The following USP29 variants were observed in gnomAD, a reference collection of about 807,000 sequenced individuals.
USP29 encodes the protein ubiquitin specific peptidase 29, also known as ubiquitin carboxyl-terminal hydrolase 29.
For synonymous variants in USP29, 386 were observed against 387.4 expected, an observed-to-expected ratio of 1.00 and a Z score of 0.04; for missense variants, 1,102 against 1,069.0, an observed-to-expected ratio of 1.03 and a Z score of -0.43.
At chr19:57,125,378 A>G (rs1476768582) in intron 3 of USP29, among the ~76,000 whole-genome samples, 1 of 152,146 alleles carries the variant, frequency 6.6e-6, no homozygotes, top group Non-Finnish European at 1.5e-5. Context: ...AAAGTCTCCC[A>G]CTATTATTGT....
rs2086849083 is a variant in USP29 at position 57,130,218 on chromosome 19, A to C, written c.1543A>C (p.Ser515Arg). The change falls in exon 4 of 4, where the codon AGC (serine) becomes CGC (arginine). Residue 515 changes from serine to arginine, a missense_variant. By Grantham distance (110) the Ser-to-Arg change is moderately radical. Coordinates refer to ENST00000254181, the MANE Select transcript of USP29 (RefSeq NM_020903.3). The part of the protein sequence containing the change: ...RVLIIHLKRY[S>R]FNNAWLLVKN... ...CCTTATCATTCATCTGAAACGCTAT[A>C]GCTTCAACAATGCTTGGTTGCTGGT... 6.2e-7 allele frequency: 1 copy of C among 1,614,188 alleles called. No individual in the cohort carries two copies. The highest frequency in any genetic ancestry group is 8.5e-7 in the Non-Finnish European group (1 of 1,180,036).
intron 3 of USP29, among the ~76,000 whole-genome samples, chr19:57,127,402 G>A (rs909869830): frequency 3.9e-5 from 6 of 152,308 alleles, no homozygotes; most frequent in Middle Eastern, 6.8e-3. Flanking sequence ...TCCCCCAGGT[G>A]CTCTGTCCCA....
chr19:57,121,952 AATAGATAGATAG>A (rs35338518), intron 1 of USP29, among the ~76,000 whole-genome samples: 8 of 148,966 alleles, frequency 5.4e-5, no homozygotes, highest in Admixed American at 2.0e-4. Context: ...TCTATTAAAA[AATAGATAGATAG>A]ATAGATAGAT....
In USP29 at chr19:57,131,453, C is replaced by T. The variant is rs1488756659; in HGVS notation, c.*9C>T. The T allele has an allele frequency of 6.3e-7, 1 of 1,590,276 alleles. No homozygotes were observed. Among genetic ancestry groups the T allele is most frequent in the Non-Finnish European group, 8.6e-7 (1 of 1,169,368 alleles). On this transcript the variant is annotated 3_prime_UTR_variant, in exon 4 of 4. Coordinates refer to ENST00000254181, the MANE Select transcript of USP29 (RefSeq NM_020903.3). ...TGTACAGACCTGCTTGACAGACTCA[C>T]TCGGCCTCACTTCATCCTTGCAAAG...
intron 1 of USP29, among the ~76,000 whole-genome samples, chr19:57,120,515 G>A (rs1305446061): frequency 4.0e-5 from 6 of 148,470 alleles, no homozygotes; most frequent in Non-Finnish European, 7.5e-5. Flanking sequence ...GGGCTGGGTC[G>A]GTGGCTCACG....
At position 57,130,991 on chromosome 19, in the gene USP29, A is replaced by G. The variant is rs201523602; in HGVS notation, c.2316A>G (p.Thr772=). ...EHTEETLNQS[T]ELRLQKADLN... The stretch of plus-strand genomic sequence containing the variant: ...CAGAAGAGACCCTCAATCAGTCTAC[A>G]GAATTAAGACTTCAAAAGGCTGACC... Residue 772 remains threonine (T), a synonymous_variant, in exon 4 of 4, where the codon ACA becomes ACG. Coordinates refer to ENST00000254181, the MANE Select transcript of USP29 (RefSeq NM_020903.3). 9 of 1,614,118 alleles carry G rather than the reference A, an allele frequency of 5.6e-6. No homozygotes were observed. The highest frequency in any genetic ancestry group is 2.7e-5 in the African/African-American group (2 of 74,942).
intron 3 of USP29, among the ~76,000 whole-genome samples, chr19:57,126,659 T>C (rs2086825887): frequency 6.6e-6 from 1 of 152,080 alleles, no homozygotes; most frequent in East Asian, 1.9e-4. Context: ...GCAATTCCTG[T>C]AGCCTTTTAT....
chr19:57,130,536 G>C lies in USP29; in HGVS notation c.1861G>C (p.Asp621His). The C allele has an allele frequency of 5.6e-6, 9 of 1,614,160 alleles. No homozygotes were observed. Among genetic ancestry groups the C allele is most frequent in the Non-Finnish European group, 7.6e-6 (9 of 1,180,038 alleles). Residue 621 changes from aspartate to histidine, a missense_variant, in exon 4 of 4, where the codon GAC (aspartate) becomes CAC (histidine). Physicochemically the swap from Asp to His is moderately conservative, Grantham distance 81. Coordinates refer to ENST00000254181, the MANE Select transcript of USP29 (RefSeq NM_020903.3). ...GDASQEQHQR[D>H]LENGSALESE... Reference sequence around the variant, plus strand: ...TGCAAGCCAAGAGCAGCATCAGAGAGACCTGGAAAATGGCTCTGCACTAGA... The same window carrying C: ...TGCAAGCCAAGAGCAGCATCAGAGACACCTGGAAAATGGCTCTGCACTAGA...
intron 3 of USP29, among the ~76,000 whole-genome samples, chr19:57,127,309 C>T (rs2086828824): frequency 6.6e-6 from 1 of 152,202 alleles, no homozygotes; most frequent in Non-Finnish European, 1.5e-5. Context: ...GAAAATCCCT[C>T]TTATCAGGAT....
At chr19:57,123,940 T>C (rs1445418503) in intron 2 of USP29, 99 bp from the exon 3 acceptor site, 2 of 152,218 alleles carry the variant, frequency 1.3e-5, no homozygotes, top group African/African-American at 2.4e-5. Context: ...GTTTCTAAGA[T>C]ATAATGCAAT....
At position 57,131,407 on chromosome 19, in the gene USP29, G is replaced by C. The variant is rs1201725898; in HGVS notation, c.2732G>C (p.Gly911Ala). 1.9e-6 allele frequency: 3 copies of C among 1,613,616 alleles called. No homozygotes were observed. The highest frequency in any genetic ancestry group is 1.7e-6 in the Non-Finnish European group (2 of 1,179,922). Reference protein sequence around the residue: ...PSTQAGVIPQGEYEGDSLYRP... With the variant: ...PSTQAGVIPQAEYEGDSLYRP... ...ACACAGGCAGGGGTGATCCCTCAGG[G>C]GGAATACGAAGGTGACTCTTTGTAC... is the stretch of plus-strand genomic sequence containing the variant. The change falls in exon 4 of 4, where the codon GGG becomes GCG. Residue 911 changes from glycine (G) to alanine (A), a missense_variant. Coordinates refer to ENST00000254181, the MANE Select transcript of USP29 (RefSeq NM_020903.3).
intron 3 of USP29, among the ~76,000 whole-genome samples, chr19:57,128,248 A>T (rs1336462849): frequency 1.3e-5 from 2 of 152,104 alleles, no homozygotes; most frequent in African/African-American, 2.4e-5. Context: ...ATTTTAAAAA[A>T]TTTTATGTAG....
chr19:57,121,853 C>T (rs2086799276), intron 1 of USP29, among the ~76,000 whole-genome samples: 2 of 151,850 alleles, frequency 1.3e-5, no homozygotes, highest in South Asian at 4.1e-4. Flanking sequence ...GTGGCTCAAG[C>T]CTGTAATCCC....
chr19:57,131,316 T>A lies in USP29; in HGVS notation c.2641T>A (p.Phe881Ile). The A allele has an allele frequency of 6.2e-7, 1 of 1,614,192 alleles. No homozygotes were observed. The highest frequency in any genetic ancestry group is 8.5e-7 in the Non-Finnish European group (1 of 1,180,034). Residue 881 changes from phenylalanine to isoleucine, a missense_variant, in exon 4 of 4, where the codon TTT becomes ATT. Coordinates refer to ENST00000254181, the MANE Select transcript of USP29 (RefSeq NM_020903.3). ...EARLHSGYIFFYMHNGIFEEL... is the reference protein window; with the variant it reads ...EARLHSGYIFIYMHNGIFEEL... ...GAGGCTTCACTCTGGGTATATCTTC[T>A]TTTACATGCACAATGGGATTTTTGA...
At position 57,127,852 on chromosome 19, in the gene USP29, C is replaced by T. The variant is rs78060505; in HGVS notation, c.-16-808C>T. On this transcript the variant is annotated intron_variant, in intron 3 of 3. Coordinates refer to ENST00000254181, the MANE Select transcript of USP29 (RefSeq NM_020903.3). ...AAAAAAAATCAACTCTTGCAACTAG[C>T]TCGGTGTCTCCCCGAACAGCTGGCT... Among the ~76,000 whole-genome samples the T allele has an allele frequency of 7.9e-3, 1,203 of 152,326 alleles. 16 individuals carry two copies. The highest frequency in any genetic ancestry group is 0.027 in the African/African-American group (1,120 of 41,562).
chr19:57,130,595 C>A lies in USP29; in HGVS notation c.1920C>A (p.Ile640=). ...SELVHFRDRA[I]GEKELPVADS... is the part of the protein sequence containing the mutation. Reference sequence around the variant, plus strand: ...TGGTCCACTTTAGAGATAGGGCAATCGGTGAAAAGGAGCTTCCAGTGGCTG... The same window carrying A: ...TGGTCCACTTTAGAGATAGGGCAATAGGTGAAAAGGAGCTTCCAGTGGCTG... Residue 640 remains isoleucine (I), a synonymous_variant, in exon 4 of 4, where the codon ATC becomes ATA. Coordinates refer to ENST00000254181, the MANE Select transcript of USP29 (RefSeq NM_020903.3). 2.5e-6 allele frequency: 4 copies of A among 1,614,096 alleles called. No homozygotes were observed. The highest frequency in any genetic ancestry group is 3.4e-6 in the Non-Finnish European group (4 of 1,180,016).
At chr19:57,120,788 C>CAAAAAAAA (rs71293954) in intron 1 of USP29, among the ~76,000 whole-genome samples, 1,313 of 31,106 alleles carry the variant, frequency 0.042, 298 homozygotes, top group Non-Finnish European at 0.054. Flanking sequence ...GACTCCGTCT[C>CAAAAAAAA]AAAAAAAAAA....
rs1568455767 is a variant in USP29, at chr19:57,129,013, CTGA to C, written c.346_348del (p.Asp116del). 1.9e-6 allele frequency: 3 copies of C among 1,614,118 alleles called. No individual in the cohort carries two copies. The highest frequency in any genetic ancestry group is 2.7e-5 in the African/African-American group (2 of 75,040). On this transcript the variant is annotated inframe_deletion, in exon 4 of 4. Coordinates refer to ENST00000254181, the MANE Select transcript of USP29 (RefSeq NM_020903.3). ...AACAAATCTCAGCAACCCATGAAAT[CTGA>C]TGATGATTGGAGTGTGTTTGAAAGC...
chr19:57,124,491 G>T (rs4801430), intron 3 of USP29, among the ~76,000 whole-genome samples: 28 of 139,780 alleles, frequency 2.0e-4, no homozygotes, highest in East Asian at 1.2e-3. Flanking sequence ...TTTCTTTTTT[G>T]TTTTTTTTTT....
Sources: allele counts gnomAD v4.1 joint callset (sites outside exome capture counted in the v4.1 genomes callset), GRCh38; gene constraint gnomAD v4.1.1; transcripts MANE v1.5; gene names NCBI Gene and HGNC (gene_info 2026-07-23, HGNC 2026-07-21).